CIC: variants seen among roughly 807,000 people sequenced by gnomAD.
CIC encodes the protein capicua transcriptional repressor.
Under a neutral mutation model 115.7 loss-of-function variants are expected in CIC, and 18 were observed. The observed-to-expected ratio is 0.16, with a 90% CI of 0.11 to 0.23. The LOEUF is 0.23. Ranked by LOEUF, CIC falls within the 10% of genes least tolerant of loss-of-function variation. The probability of loss-of-function intolerance (pLI) is 1.00; values close to 1 mark genes in which losing one functional copy is unlikely to be tolerated. For missense variants in CIC, 2,000 were observed against 2,159.3 expected, an observed-to-expected ratio of 0.93 and a Z score of 1.46; for synonymous variants, 1,076 against 923.0, an observed-to-expected ratio of 1.17 and a Z score of -3.01.
intron 1 of CIC, among the ~76,000 whole-genome samples, chr19:42,271,506 C>T (rs1324407788): frequency 6.6e-6 from 1 of 152,192 alleles, no homozygotes; most frequent in Non-Finnish European, 1.5e-5. Context: ...CCCCTTGGGG[C>T]ATTCAGAGCA....
At chr19:42,282,070 C>T (rs2037282281) in intron 2 of CIC, among the ~76,000 whole-genome samples, 1 of 152,168 alleles carries the variant, frequency 6.6e-6, no homozygotes, top group Admixed American at 6.5e-5. Context: ...ATTTCAGCCT[C>T]AATTCGTGCC....
chr19:42,274,353 C>G lies in CIC; in HGVS notation c.2570C>G (p.Pro857Arg). 5.0e-6 allele frequency: 2 copies of G among 398,672 alleles called. No homozygotes were observed. The highest frequency in any genetic ancestry group is 8.8e-6 in the Non-Finnish European group (2 of 226,116). The allele number at this position is 398,672 out of a possible 1,614,324, so 24.7% of individuals were successfully genotyped here. The change falls in exon 2 of 21, where the codon CCT becomes CGT. Residue 857 changes from proline (P) to arginine (R), a missense_variant. Around this residue, in one of 8 missense-constraint regions of CIC, gnomAD observed 222 missense variants for 247.7 expected, o/e 0.90. Coordinates refer to ENST00000681038, the MANE Select transcript of CIC (RefSeq NM_001386298.1). ...CCCCCTGGGGTGGCCAGTGGGAAGC[C>G]TGGCCTGCCCCCACCTCTGCCAGCC... ...PVPPGVASGK[P>R]GLPPPLPAPV... is the part of the protein sequence containing the mutation.
rs2038035506 is a variant in CIC at position 42,290,786 on chromosome 19, C to T, written c.4745C>T (p.Thr1582Ile). Residue 1582 changes from threonine to isoleucine, a missense_variant, in exon 11 of 21, where the codon ACC (threonine) becomes ATC (isoleucine). Thr to Ile is a moderately conservative substitution (Grantham distance 89). Transcript: ENST00000681038. Reference protein sequence around the residue: ...PLSRPAATMVTNVVRPVSSTP... With the variant: ...PLSRPAATMVINVVRPVSSTP... ...TCCCGTCCTGCCGCCACCATGGTCA[C>T]CAATGTGGTGCGGCCTGTCAGCAGC... is the stretch of plus-strand genomic sequence containing the variant. 6.2e-7 allele frequency: 1 copy of T among 1,611,428 alleles called. No individual in the cohort carries two copies. The highest frequency in any genetic ancestry group is 1.3e-5 in the African/African-American group (1 of 74,872).
intron 2 of CIC, among the ~76,000 whole-genome samples, chr19:42,286,234 G>C (rs1461161794): frequency 6.6e-6 from 1 of 152,216 alleles, no homozygotes; most frequent in Non-Finnish European, 1.5e-5. Flanking sequence ...CCACACCACA[G>C]TTGTAAGAGA....
intron 2 of CIC, among the ~76,000 whole-genome samples, chr19:42,286,081 C>T (rs766315446): frequency 6.6e-6 from 1 of 152,142 alleles, no homozygotes; most frequent in Non-Finnish European, 1.5e-5. Context: ...GGAAGGGAGG[C>T]TGGGAGGCCG....
chr19:42,280,634 C>A lies in CIC; in HGVS notation c.2794+6057C>A, dbSNP rs1401954733. On this transcript the variant is annotated intron_variant, in intron 2 of 20. Transcript: ENST00000681038. The surrounding 1 kb of genome is among the most constrained non-coding windows in gnomAD (Gnocchi z 4.9). ...AGCTCGGGTGCCAGCTGGCCGGCGC[C>A]CCGCCGCGGCCCGCGTGGGTGTCAG... 6.6e-6 allele frequency among the ~76,000 whole-genome samples: 1 copy of A among 152,138 alleles called. No individual in the cohort carries two copies. Among genetic ancestry groups the A allele is most frequent in the African/African-American group, 2.4e-5 (1 of 41,444 alleles).
intron 2 of CIC, among the ~76,000 whole-genome samples, chr19:42,283,192 CGGA>C (rs2037343763): frequency 6.6e-6 from 1 of 151,878 alleles, no homozygotes; most frequent in Non-Finnish European, 1.5e-5. Flanking sequence ...GTGTGTGTGA[CGGA>C]GGAGTGTGTG....
In CIC at chr19:42,287,326, C is replaced by A; in HGVS notation, c.3186C>A (p.Leu1062=). The A allele has an allele frequency of 6.2e-7, 1 of 1,614,156 alleles. No homozygotes were observed. ...ETESDHDDAF[L]SIMSPEIQLP... is the part of the protein sequence containing the mutation. ...CCCTGCTGCCCCGCCGCAGCTTCCT[C>A]TCCATCATGTCTCCTGAGATCCAGT... Residue 1062 remains leucine, a synonymous_variant, in exon 5 of 21, where the codon CTC becomes CTA. Transcript: ENST00000681038. This position sits in a 1 kb window ranked among gnomAD's most constrained non-coding sequence, Gnocchi z 8.7.
intron 2 of CIC, chr19:42,283,922 G>A (rs2037396216): frequency 6.6e-6 from 1 of 151,354 alleles, no homozygotes; most frequent in Non-Finnish European, 1.5e-5. Flanking sequence ...GGGCGGGCGC[G>A]GCGGGGCCTG....
chr19:42,293,878 C>T (rs200469809), intron 17 of CIC, 42 bp downstream of exon 17: 39 of 1,612,868 alleles, frequency 2.4e-5, no homozygotes, highest in Admixed American at 8.3e-5. Context: ...GTTAGGGTGG[C>T]GGGAGTGGGA....
Position 42,291,083 on chromosome 19 carries a change from C to T in CIC, c.5042C>T (p.Ala1681Val). ...NLLVGTPGYG[A>V]PAPPAVQFIA... Reference sequence around the variant, plus strand: ...CTGGTGGGCACCCCGGGGTATGGGGCCCCTGCGCCCCCTGCTGTCCAGTTC... The same window carrying T: ...CTGGTGGGCACCCCGGGGTATGGGGTCCCTGCGCCCCCTGCTGTCCAGTTC... The change falls in exon 11 of 21, where the codon GCC becomes GTC. Residue 1681 changes from alanine (A) to valine (V), a missense_variant. Ala to Val is a moderately conservative substitution (Grantham distance 64, BLOSUM62 0). This residue lies in a region of CIC where 1,466 missense variants were observed against 1,390.4 expected (regional missense o/e 1.05). Transcript: ENST00000681038. 2 of 1,613,636 alleles carry T rather than the reference C, an allele frequency of 1.2e-6. No homozygotes were observed. Among genetic ancestry groups the T allele is most frequent in the South Asian group, 1.1e-5 (1 of 91,068 alleles).
At chr19:42,275,000 C>G (rs1243496429) in intron 2 of CIC, among the ~76,000 whole-genome samples, 2 of 152,214 alleles carry the variant, frequency 1.3e-5, no homozygotes, top group Admixed American at 1.3e-4. Flanking sequence ...CACTTACCAC[C>G]TGTTCTAAAG....
chr19:42,294,830 C>T lies in CIC; in HGVS notation c.7193C>T (p.Ala2398Val), dbSNP rs774512722. The T allele has an allele frequency of 1.2e-6, 2 of 1,602,634 alleles. No individual in the cohort carries two copies. Among genetic ancestry groups the T allele is most frequent in the Non-Finnish European group, 1.7e-6 (2 of 1,179,958 alleles). ...QDHGFFPSAQ[A>V]TAAFQARYAD... ...ACCGTTTTTCTATCTCCAGCCCAGG[C>T]CACAGCCGCCTTCCAGGCCCGCTAT... Residue 2398 changes from alanine (A) to valine (V), a missense_variant, in exon 21 of 21, where the codon GCC becomes GTC. Physicochemically the swap from Ala to Val is moderately conservative, Grantham distance 64. Around this residue, in one of 8 missense-constraint regions of CIC, gnomAD observed 99 missense variants for 217.6 expected, o/e 0.45. Coordinates refer to ENST00000681038, the MANE Select transcript of CIC (RefSeq NM_001386298.1).
chr19:42,291,275 T>C lies in CIC; in HGVS notation c.5234T>C (p.Leu1745Pro). The change falls in exon 11 of 21, where the codon CTT becomes CCT. Residue 1745 changes from leucine to proline, a missense_variant. Transcript: ENST00000681038. ...ATCCTGCCCACGCTGCCCCAGCAGCTTCAGGTGGCACCTGCCCCAGCACCA... is the reference window on the plus strand; with the variant it reads ...ATCCTGCCCACGCTGCCCCAGCAGCCTCAGGTGGCACCTGCCCCAGCACCA... ...QYILPTLPQQ[L>P]QVAPAPAPAP... The C allele has an allele frequency of 6.2e-7, 1 of 1,612,706 alleles. No individual in the cohort carries two copies. The highest frequency in any genetic ancestry group is 8.5e-7 in the Non-Finnish European group (1 of 1,179,782).
intron 7 of CIC, among the ~76,000 whole-genome samples, chr19:42,288,199 T>C (rs1555766366): frequency 6.6e-6 from 1 of 152,234 alleles, no homozygotes; most frequent in Non-Finnish European, 1.5e-5. Flanking sequence ...TATCAACTGT[T>C]GTTTAACGAG....
Position 42,289,062 on chromosome 19 carries a change from ACAGT to A in CIC, c.3837_3840del (p.Ser1279ArgfsTer6). 1 of 1,613,672 alleles carries A rather than the reference ACAGT, an allele frequency of 6.2e-7. No homozygotes were observed. Among genetic ancestry groups the A allele is most frequent in the Non-Finnish European group, 8.5e-7 (1 of 1,180,030 alleles). On this transcript the variant is annotated frameshift_variant, in exon 8 of 21. Transcript: ENST00000681038. LOFTEE classifies it high-confidence loss of function. ...CACAGCCTGGACGGCGGAGAAGTAG[ACAGT>A]CAGGCGCTACAGGAACTGACGCAGG...
In CIC at chr19:42,287,693, A is replaced by G. The variant is rs1050416819; in HGVS notation, c.3458A>G (p.Lys1153Arg). The G allele has an allele frequency of 1.2e-5, 19 of 1,614,024 alleles. No homozygotes were observed. The highest frequency in any genetic ancestry group is 1.6e-5 in the Non-Finnish European group (19 of 1,180,038). Residue 1153 changes from lysine to arginine, a missense_variant, in exon 6 of 21, where the codon AAG becomes AGG. Lys to Arg is a conservative substitution (Grantham distance 26). Coordinates refer to ENST00000681038, the MANE Select transcript of CIC (RefSeq NM_001386298.1). The surrounding 1 kb of genome is among the most constrained non-coding windows in gnomAD (Gnocchi z 8.7). Reference protein sequence around the residue: ...LGEWWYALGPKEKQKYHDLAF... With the variant: ...LGEWWYALGPREKQKYHDLAF... Reference sequence around the variant, plus strand: ...GAGTGGTGGTATGCCCTGGGGCCCAAGGAGAAGCAGAAGTACCACGACCTG... The same window carrying G: ...GAGTGGTGGTATGCCCTGGGGCCCAGGGAGAAGCAGAAGTACCACGACCTG...
Position 42,291,236 on chromosome 19 carries a change from C to A in CIC, c.5195C>A (p.Thr1732Asn). 6.2e-7 allele frequency: 1 copy of A among 1,612,038 alleles called. No homozygotes were observed. Among genetic ancestry groups the A allele is most frequent in the Non-Finnish European group, 8.5e-7 (1 of 1,179,560 alleles). ...GCCCTGGGCAAGGCTGGGGGAATCA[C>A]CCAGGTACAGTACATCCTGCCCACG... Reference protein sequence around the residue: ...PGALGKAGGITQVQYILPTLP... With the variant: ...PGALGKAGGINQVQYILPTLP... The change falls in exon 11 of 21, where the codon ACC becomes AAC. Residue 1732 changes from threonine to asparagine, a missense_variant. Physicochemically the swap from Thr to Asn is moderately conservative, Grantham distance 65. Around this residue, in one of 8 missense-constraint regions of CIC, gnomAD observed 1,466 missense variants for 1,390.4 expected, o/e 1.05. Transcript: ENST00000681038.
In CIC at chr19:42,293,228, C is replaced by T. The variant is rs746056115; in HGVS notation, c.6469C>T (p.Pro2157Ser). The change falls in exon 16 of 21, where the codon CCA becomes TCA. Residue 2157 changes from proline (P) to serine (S), a missense_variant. By Grantham distance (74) the Pro-to-Ser change is moderately conservative (BLOSUM62 -1). Coordinates refer to ENST00000681038, the MANE Select transcript of CIC (RefSeq NM_001386298.1). ...TWTPTARSSP[P>S]LPPPAEERTS... is the part of the protein sequence containing the mutation. The stretch of plus-strand genomic sequence containing the variant: ...GACTCCCACGGCCCGGAGCAGCCCC[C>T]CACTGCCCCCACCTGCTGAGGAGCG... 1 of 1,595,852 alleles carries T rather than the reference C, an allele frequency of 6.3e-7. No homozygotes were observed. Among genetic ancestry groups the T allele is most frequent in the Non-Finnish European group, 8.5e-7 (1 of 1,172,656 alleles).
Sources: allele counts gnomAD v4.1 joint callset (sites outside exome capture counted in the v4.1 genomes callset), GRCh38; gene constraint gnomAD v4.1.1; regional missense constraint gnomAD v4.1.1; non-coding constraint Gnocchi (gnomAD v3.1); transcripts MANE v1.5; gene names NCBI Gene and HGNC (gene_info 2026-07-23, HGNC 2026-07-21).